The following CLTC variants were observed in gnomAD, a reference collection of about 807,000 sequenced individuals.
The protein encoded by CLTC is clathrin heavy chain 1.
A neutral mutation model predicts 195.8 loss-of-function variants in CLTC; 16 were observed. The observed-to-expected ratio is 0.08, with a 90% CI of 0.06 to 0.12. The LOEUF (loss-of-function observed/expected upper bound fraction) is 0.12, where lower values mean the gene tolerates loss of function less well. Ranked by LOEUF, CLTC falls within the 10% of genes least tolerant of loss-of-function variation. CLTC has a pLI of 1.00. For missense variants in CLTC, 796 were observed against 2,027.0 expected (o/e 0.39, Z 11.66); for synonymous variants, 667 against 689.4 (o/e 0.97, Z 0.51).
intron 14 of CLTC, 80 bp from the exon 15 acceptor site, chr17:59,673,567 G>T (rs914793362): frequency 9.1e-7 from 1 of 1,096,724 alleles, no homozygotes; most frequent in Admixed American, 2.0e-5. Context: ...TGTTAGCGTA[G>T]AACAAATTCT....
chr17:59,691,555 C>T (rs1464451131), intron 31 of CLTC, among the ~76,000 whole-genome samples: 3 of 151,158 alleles, frequency 2.0e-5, no homozygotes, highest in South Asian at 4.2e-4. Context: ...ACCCGGGAGG[C>T]AGAGGTTGCA....
At chr17:59,656,316 C>G in intron 6 of CLTC, 1 of 262,454 alleles carries the variant, frequency 3.8e-6, no homozygotes. Context: ...TTATAGCCAT[C>G]TAGGACTGTA....
Position 59,693,716 on chromosome 17 carries a change from C to T in CLTC, c.4904-12C>T, listed in dbSNP as rs1254837841. On this transcript the variant is annotated splice_polypyrimidine_tract_variant and intron_variant, in intron 31 of 31. Transcript: ENST00000269122. ...CCTGCCCCCTGCTCCTTTTTGTTTT[C>T]TTCTACTGTAGGTCAGCCCCAGTTG... is the stretch of plus-strand genomic sequence containing the variant. 3 of 1,606,142 alleles carry T rather than the reference C, an allele frequency of 1.9e-6. No individual in the cohort carries two copies. The highest frequency in any genetic ancestry group is 1.7e-5 in the Admixed American group (1 of 58,616).
intron 15 of CLTC, 32 bp from the exon 16 acceptor site, chr17:59,674,666 CATA>C (rs1292346092): frequency 7.0e-6 from 11 of 1,572,284 alleles, no homozygotes; most frequent in African/African-American, 1.4e-5. Context: ...CTTTTAATAA[CATA>C]ATAACATTCT....
rs555977999 is a variant in CLTC at position 59,672,853 on chromosome 17, A to G, written c.2293-794A>G. Among the ~76,000 whole-genome samples, 3 of 152,278 alleles carry G rather than the reference A, an allele frequency of 2.0e-5. No individual in the cohort carries two copies. The South Asian group carries it at 6.2e-4, about 32-fold the overall frequency. ...TTCCCTAGTAGACTGTGTTAGAGGA[A>G]TCATTTATTGAGGAATGTTTCACTG... On this transcript the variant is annotated intron_variant, in intron 14 of 31. Coordinates refer to ENST00000269122, the MANE Select transcript of CLTC (RefSeq NM_004859.4).
Position 59,681,075 on chromosome 17 carries a change from T to C in CLTC, c.3065+18T>C. On this transcript the variant is annotated intron_variant, in intron 19 of 31. Transcript: ENST00000269122. The surrounding 1 kb of genome is among the most constrained non-coding windows in gnomAD (Gnocchi z 5.0). ...GAACACAGGTATGCTTTCAGAGGGA[T>C]CCATTGGCTATTTATAGTCAGTCTT... 1.2e-6 allele frequency: 2 copies of C among 1,611,168 alleles called. No individual in the cohort carries two copies. Among genetic ancestry groups the C allele is most frequent in the East Asian group, 2.2e-5 (1 of 44,834 alleles).
At chr17:59,677,216 G>T in intron 17 of CLTC, 28 bp downstream of exon 17, 1 of 1,544,730 alleles carries the variant, frequency 6.5e-7, no homozygotes, top group East Asian at 2.3e-5. Context: ...AATATGTAGA[G>T]AAGCTGCATT....
intron 31 of CLTC, among the ~76,000 whole-genome samples, chr17:59,691,201 A>G (rs1166159539): frequency 6.6e-6 from 1 of 152,242 alleles, no homozygotes; most frequent in Non-Finnish European, 1.5e-5. Context: ...AGACAATTTC[A>G]TGTCTTCTTA....
In CLTC at chr17:59,681,063, C is replaced by T. The variant is rs1347641970; in HGVS notation, c.3065+6C>T. 5 of 1,612,462 alleles carry T rather than the reference C, an allele frequency of 3.1e-6. No individual in the cohort carries two copies. The African/African-American group carries it at 6.7e-5, about 22-fold the overall frequency. ...TCTGTATTCAGTGAACACAGGTATG[C>T]TTTCAGAGGGATCCATTGGCTATTT... is the stretch of plus-strand genomic sequence containing the variant. On this transcript the variant is annotated splice_donor_region_variant and intron_variant, in intron 19 of 31. Coordinates refer to ENST00000269122, the MANE Select transcript of CLTC (RefSeq NM_004859.4). The surrounding 1 kb of genome is among the most constrained non-coding windows in gnomAD (Gnocchi z 5.0).
chr17:59,644,805 C>T (rs934482602), intron 2 of CLTC, among the ~76,000 whole-genome samples: 1 of 152,188 alleles, frequency 6.6e-6, no homozygotes, highest in Non-Finnish European at 1.5e-5. Context: ...CCTGCCTCGG[C>T]CTCCCAGAGT....
chr17:59,634,882 G>T (rs1461093281), intron 1 of CLTC, among the ~76,000 whole-genome samples: 3 of 152,198 alleles, frequency 2.0e-5, no homozygotes, highest in Non-Finnish European at 4.4e-5. Context: ...TCCAGGAAGG[G>T]CTCAATGAAG....
At chr17:59,653,642 T>A (rs901506720) in intron 5 of CLTC, among the ~76,000 whole-genome samples, 2 of 151,974 alleles carry the variant, frequency 1.3e-5, no homozygotes, top group African/African-American at 2.4e-5. Flanking sequence ...GCCTTGGAAC[T>A]CCTGGGCTCA....
chr17:59,683,348 T>C lies in CLTC; in HGVS notation c.4042-39T>C. 6.2e-7 allele frequency: 1 copy of C among 1,603,662 alleles called. No individual in the cohort carries two copies. Among genetic ancestry groups the C allele is most frequent in the South Asian group, 1.1e-5 (1 of 89,974 alleles). On this transcript the variant is annotated intron_variant, in intron 25 of 31. Coordinates refer to ENST00000269122, the MANE Select transcript of CLTC (RefSeq NM_004859.4). The surrounding 1 kb of genome is among the most constrained non-coding windows in gnomAD (Gnocchi z 6.1). Reference sequence around the variant, plus strand: ...TCTTATTCTTTTTAAGGCTGTTAGCTAGACTCATATCTAAAGCAATTAAGT... The same window carrying C: ...TCTTATTCTTTTTAAGGCTGTTAGCCAGACTCATATCTAAAGCAATTAAGT...
chr17:59,680,034 C>A (rs2033050994), intron 18 of CLTC, among the ~76,000 whole-genome samples: 1 of 151,670 alleles, frequency 6.6e-6, no homozygotes, highest in South Asian at 2.1e-4. Flanking sequence ...GTGATAAGAG[C>A]AAGACTGTCT....
intron 17 of CLTC, 169 bp from the exon 18 acceptor site, chr17:59,679,228 A>G (rs1176318134): frequency 2.1e-6 from 1 of 469,384 alleles, no homozygotes; most frequent in Non-Finnish European, 3.8e-6. Context: ...TACAAAGTCT[A>G]TATAATTAAA....
chr17:59,648,122 C>A lies in CLTC; in HGVS notation c.520-118C>A. 1.0e-6 allele frequency: 1 copy of A among 1,003,862 alleles called. No homozygotes were observed. The highest frequency in any genetic ancestry group is 1.4e-6 in the Non-Finnish European group (1 of 690,516). The allele number at this position is 1,003,862 out of a possible 1,614,324, so 62.2% of individuals were successfully genotyped here. A position where few individuals can be genotyped will look rare whatever the true frequency, so the allele number is the denominator to read the frequency against. On this transcript the variant is annotated intron_variant, in intron 3 of 31. Transcript: ENST00000269122. The surrounding 1 kb of genome is among the most constrained non-coding windows in gnomAD (Gnocchi z 4.5). ...AAATCTACAGTGAGAGATGAAGTGA[C>A]AAATAATTATAAATCCTGCTAAAGA...
intron 14 of CLTC, among the ~76,000 whole-genome samples, chr17:59,673,305 T>C (rs961487183): frequency 1.3e-5 from 2 of 152,198 alleles, no homozygotes; most frequent in Admixed American, 6.5e-5. Flanking sequence ...AAGTTGATTT[T>C]AAATACGGTA....
At chr17:59,620,682 G>C (rs2031344754) in intron 1 of CLTC, among the ~76,000 whole-genome samples, 1 of 149,174 alleles carries the variant, frequency 6.7e-6, no homozygotes, top group Non-Finnish European at 1.5e-5. Flanking sequence ...GCTCTCAACT[G>C]AGAAAGGCAC....
At chr17:59,645,560 A>C (rs1456793666) in intron 2 of CLTC, among the ~76,000 whole-genome samples, 1 of 152,212 alleles carries the variant, frequency 6.6e-6, no homozygotes, top group Non-Finnish European at 1.5e-5. Context: ...TTTCATTTTG[A>C]TAGAAGAAAG....
Sources: gnomAD v4.1 joint callset for allele counts (sites outside exome capture counted in the v4.1 genomes callset) on GRCh38, gnomAD v4.1.1 for gene constraint, Gnocchi (gnomAD v3.1) non-coding constraint, MANE v1.5 for transcripts, NCBI Gene and HGNC (gene_info 2026-07-23, HGNC 2026-07-21) for gene names.